Variants in PRELID2 observed in about 807,000 individuals in gnomAD.
The protein encoded by PRELID2 is PRELI domain-containing protein 2.
Under a neutral mutation model 28.4 loss-of-function variants are expected in PRELID2, and 25 were observed. That is an observed-to-expected ratio of 0.88 (90% CI 0.64 to 1.23). The LOEUF is 1.23. Ranked by LOEUF, PRELID2 falls within the 50% of genes most tolerant of loss-of-function variation. PRELID2 has a pLI of 0.00. For synonymous variants in PRELID2, 76 were observed against 71.6 expected, an observed-to-expected ratio of 1.06 and a Z score of -0.31; for missense variants, 201 against 214.4, an observed-to-expected ratio of 0.94 and a Z score of 0.39.
the PRELID2 span, among the ~76,000 whole-genome samples, chr5:145,439,778 C>A: frequency 6.6e-6 from 1 of 152,034 alleles, no homozygotes; most frequent in Admixed American, 6.6e-5. Flanking sequence ...TACTCCTTAC[C>A]TGGATCTCCT....
chr5:145,738,148 G>A (rs1268567587), intron 1 of PRELID2, among the ~76,000 whole-genome samples: 1 of 152,186 alleles, frequency 6.6e-6, no homozygotes, highest in African/African-American at 2.4e-5. Context: ...CAGAGACTGA[G>A]TGGGAACCTT....
Position 145,639,698 on chromosome 5 carries a change from T to C in PRELID2, n.70+125233A>G, listed in dbSNP as rs547938465. Among the ~76,000 whole-genome samples, 8 of 152,320 alleles carry C rather than the reference T, an allele frequency of 5.3e-5. 1 individual carries two copies. In the South Asian group the frequency reaches 1.7e-3, roughly 32 times the overall value. ...TCCAATGTTGGGAAAGTGCGTTGGG[T>C]TGGGCCTAAGGGATATTTTCTTTAG... is the stretch of plus-strand genomic sequence containing the variant. On this transcript the variant is annotated intron_variant and non_coding_transcript_variant, in intron 1 of 2. Coordinates refer to the PRELID2 transcript ENST00000510259.
At chr5:145,349,975 A>G in the PRELID2 span, among the ~76,000 whole-genome samples, 1 of 152,214 alleles carries the variant, frequency 6.6e-6, no homozygotes, top group Non-Finnish European at 1.5e-5. Context: ...AGGAATAAAA[A>G]TGAGGAATCT....
At chr5:145,714,281 A>G (rs572404358) in intron 1 of PRELID2, among the ~76,000 whole-genome samples, 1 of 152,288 alleles carries the variant, frequency 6.6e-6, no homozygotes, top group South Asian at 2.1e-4. Context: ...ACAGATTGGC[A>G]TGAAACTTCA....
chr5:145,761,875 A>G (rs567902848), intron 6 of PRELID2, among the ~76,000 whole-genome samples: 1 of 152,092 alleles, frequency 6.6e-6, no homozygotes, highest in East Asian at 1.9e-4. Flanking sequence ...CCCCACCTAC[A>G]ACCACCCCCT....
the PRELID2 span, among the ~76,000 whole-genome samples, chr5:145,395,296 A>T: frequency 6.6e-6 from 1 of 152,164 alleles, no homozygotes; most frequent in Non-Finnish European, 1.5e-5. Context: ...TGAAAACGAC[A>T]GGAATTGCCT....
chr5:145,592,862 T>C (rs1753251970), intron 1 of PRELID2, among the ~76,000 whole-genome samples: 1 of 152,176 alleles, frequency 6.6e-6, no homozygotes, highest in Admixed American at 6.5e-5. Flanking sequence ...AGTAACTATT[T>C]CAAGTCACCA....
the PRELID2 span, among the ~76,000 whole-genome samples, chr5:145,295,811 T>A: frequency 9.9e-5 from 15 of 152,120 alleles, no homozygotes; most frequent in African/African-American, 3.1e-4. Flanking sequence ...GAAAATACAT[T>A]AATAAACAAA....
intron 1 of PRELID2, among the ~76,000 whole-genome samples, chr5:145,638,421 A>G (rs1265330764): frequency 6.7e-6 from 1 of 149,734 alleles, no homozygotes; most frequent in East Asian, 1.9e-4. Flanking sequence ...CCTCAACTCC[A>G]TTCCTTTGTT....
chr5:145,319,715 A>ACG, the PRELID2 span, among the ~76,000 whole-genome samples: 4 of 147,728 alleles, frequency 2.7e-5, no homozygotes, highest in Non-Finnish European at 5.9e-5. Flanking sequence ...AAATAAATAA[A>ACG]TAAATAAATA....
At chr5:145,799,933 G>C (rs1753017735) in intron 4 of PRELID2, among the ~76,000 whole-genome samples, 1 of 152,134 alleles carries the variant, frequency 6.6e-6, no homozygotes, top group African/African-American at 2.4e-5. Flanking sequence ...TGCTTACACT[G>C]AATGAGTTCA....
chr5:145,641,304 A>AT, intron 1 of PRELID2, among the ~76,000 whole-genome samples: 1 of 152,306 alleles, frequency 6.6e-6, no homozygotes, highest in East Asian at 1.9e-4. Flanking sequence ...AGAAAAAAAA[A>AT]GAGAGAAATA....
chr5:145,290,464 G>C, the PRELID2 span, among the ~76,000 whole-genome samples: 1 of 151,964 alleles, frequency 6.6e-6, no homozygotes, highest in Non-Finnish European at 1.5e-5. Flanking sequence ...CGTGGATGAA[G>C]CTGGAAACCA....
chr5:145,388,857 T>C, the PRELID2 span, among the ~76,000 whole-genome samples: 1 of 152,204 alleles, frequency 6.6e-6, no homozygotes, highest in African/African-American at 2.4e-5. Context: ...TCATGATTTT[T>C]CCGTCAATAT....
intron 1 of PRELID2, among the ~76,000 whole-genome samples, chr5:145,697,826 A>G (rs1250617326): frequency 6.6e-6 from 1 of 152,184 alleles, no homozygotes; most frequent in Non-Finnish European, 1.5e-5. Context: ...GGTTTAAAGC[A>G]TTTAATGCTT....
At chr5:145,708,805 T>G (rs1261288118) in intron 1 of PRELID2, among the ~76,000 whole-genome samples, 1 of 152,222 alleles carries the variant, frequency 6.6e-6, no homozygotes, top group Non-Finnish European at 1.5e-5. Context: ...GCTACCGCTA[T>G]GCCAGTGCCA....
chr5:145,781,761 A>G (rs1031656306), intron 5 of PRELID2, among the ~76,000 whole-genome samples: 4 of 142,230 alleles, frequency 2.8e-5, no homozygotes, highest in African/African-American at 5.5e-5. Flanking sequence ...ATATATATAC[A>G]CTATATATAT....
intron 1 of PRELID2, among the ~76,000 whole-genome samples, chr5:145,544,695 T>C (rs923637137): frequency 6.6e-6 from 1 of 152,130 alleles, no homozygotes; most frequent in Non-Finnish European, 1.5e-5. Context: ...ATACAGTTCA[T>C]TTTAAGTTCA....
intron 1 of PRELID2, among the ~76,000 whole-genome samples, chr5:145,743,728 G>C (rs1160811732): frequency 6.6e-6 from 1 of 152,162 alleles, no homozygotes; most frequent in Non-Finnish European, 1.5e-5. Context: ...CAGAGGGCTG[G>C]GGTCCCAACC....
Sources: allele counts gnomAD v4.1 joint callset (sites outside exome capture counted in the v4.1 genomes callset), GRCh38; gene constraint gnomAD v4.1.1; transcripts MANE v1.5; gene names NCBI Gene and HGNC (gene_info 2026-07-23, HGNC 2026-07-21).